The following C20orf203 variants were observed in gnomAD, a reference collection of about 807,000 sequenced individuals.
The protein encoded by C20orf203 is uncharacterized protein C20orf203.
In C20orf203, 16 loss-of-function variants were observed where a neutral mutation model predicts 15.9. The observed-to-expected ratio is 1.01, with a 90% CI of 0.68 to 1.53. The LOEUF is 1.53. Among genes scored for constraint, C20orf203 ranks in the 40% most tolerant of loss-of-function variants. The probability of loss-of-function intolerance (pLI) is 0.00; values close to 1 mark genes in which losing one functional copy is unlikely to be tolerated. For missense variants in C20orf203, 263 were observed against 247.5 expected, an observed-to-expected ratio of 1.06 and a Z score of -0.42; for synonymous variants, 98 against 97.2, an observed-to-expected ratio of 1.01 and a Z score of -0.05.
At chr20:32,659,594 G>C (rs1982843071) in intron 1 of C20orf203, among the ~76,000 whole-genome samples, 1 of 152,244 alleles carries the variant, frequency 6.6e-6, no homozygotes, top group Admixed American at 6.5e-5. Flanking sequence ...CACTATCTTT[G>C]AGACTGGACC....
intron 4 of C20orf203, among the ~76,000 whole-genome samples, chr20:32,648,428 CTTTTTTTTTTTTTT>C (rs56838832): frequency 0.034 from 2,764 of 80,384 alleles, 103 homozygotes; most frequent in African/African-American, 0.13. Context: ...CTGAAACTGT[CTTTTTTTTTTTTTT>C]TTTTTTTTTT....
chr20:32,637,810 C>G (rs928137181), intron 5 of C20orf203, among the ~76,000 whole-genome samples: 1 of 152,198 alleles, frequency 6.6e-6, no homozygotes, highest in Non-Finnish European at 1.5e-5. Context: ...CACATTTGGT[C>G]TTTTGTTTAA....
At chr20:32,662,767 T>A (rs1982919864) in intron 1 of C20orf203, among the ~76,000 whole-genome samples, 1 of 150,480 alleles carries the variant, frequency 6.6e-6, no homozygotes, top group Non-Finnish European at 1.5e-5. Context: ...CCTGTAACCC[T>A]AACACTTTGG....
chr20:32,666,155 T>TAAAAAAAAAAAAAAAAAAAAAAAAA (rs147487671), intron 1 of C20orf203, among the ~76,000 whole-genome samples: 3 of 102,774 alleles, frequency 2.9e-5, no homozygotes, highest in Non-Finnish European at 3.7e-5. Context: ...ATAAATAAAG[T>TAAAAAAAAAAAAAAAAAAAAAAAAA]AAAAAAAAAA....
chr20:32,648,860 A>C (rs1287598445), intron 4 of C20orf203, among the ~76,000 whole-genome samples: 1 of 152,132 alleles, frequency 6.6e-6, no homozygotes, highest in East Asian at 1.9e-4. Flanking sequence ...TCTTATGTCA[A>C]CCTATTACCT....
At chr20:32,647,871 C>T (rs538337331) in intron 4 of C20orf203, among the ~76,000 whole-genome samples, 14 of 152,180 alleles carry the variant, frequency 9.2e-5, no homozygotes, top group East Asian at 1.9e-4. Context: ...TCACCACCCA[C>T]GGCAGGGGGC....
chr20:32,673,453 C>T (rs1200916031), intron 1 of C20orf203, among the ~76,000 whole-genome samples, 179 bp downstream of exon 1: 1 of 152,232 alleles, frequency 6.6e-6, no homozygotes, highest in Non-Finnish European at 1.5e-5. Context: ...CTCACCGCAG[C>T]CCCGTGGGCA....
chr20:32,645,894 G>C (rs1473195115), intron 4 of C20orf203, among the ~76,000 whole-genome samples: 1 of 152,228 alleles, frequency 6.6e-6, no homozygotes, highest in Non-Finnish European at 1.5e-5. Flanking sequence ...TGAGGATGGA[G>C]AAGTGTTAGA....
intron 1 of C20orf203, among the ~76,000 whole-genome samples, chr20:32,661,036 G>A (rs1015909938): frequency 1.3e-5 from 2 of 152,154 alleles, no homozygotes; most frequent in Non-Finnish European, 2.9e-5. Flanking sequence ...ATATTTGTGT[G>A]GGGACACAGC....
At chr20:32,652,804 A>G (rs1982668023) in intron 1 of C20orf203, among the ~76,000 whole-genome samples, 1 of 151,996 alleles carries the variant, frequency 6.6e-6, no homozygotes, top group Non-Finnish European at 1.5e-5. Flanking sequence ...GCCCTCTCAG[A>G]GATGGTGGAA....
intron 1 of C20orf203, among the ~76,000 whole-genome samples, chr20:32,673,128 G>A (rs1983212591): frequency 6.6e-6 from 1 of 152,184 alleles, no homozygotes; most frequent in African/African-American, 2.4e-5. Flanking sequence ...GGTGAGGAGA[G>A]GAAGTGGAGG....
At chr20:32,655,179 G>T (rs1228007271) in intron 1 of C20orf203, among the ~76,000 whole-genome samples, 1 of 152,152 alleles carries the variant, frequency 6.6e-6, no homozygotes, top group East Asian at 1.9e-4. Flanking sequence ...TGAGAACATA[G>T]ACATAAATCT....
chr20:32,634,943 T>C (rs1982096110), intron 5 of C20orf203, among the ~76,000 whole-genome samples: 1 of 152,228 alleles, frequency 6.6e-6, no homozygotes, highest in Admixed American at 6.5e-5. Flanking sequence ...CTCACACATG[T>C]AATCCCAACA....
chr20:32,652,891 G>A (rs907667787), intron 1 of C20orf203, among the ~76,000 whole-genome samples: 3 of 152,142 alleles, frequency 2.0e-5, no homozygotes, highest in Non-Finnish European at 2.9e-5. Context: ...AACCCAAAGC[G>A]GGCAGGGTGA....
At chr20:32,642,577 C>T (rs1244321186) in intron 4 of C20orf203, among the ~76,000 whole-genome samples, 2 of 152,174 alleles carry the variant, frequency 1.3e-5, no homozygotes, top group South Asian at 2.1e-4. Context: ...CCTGTTTTTA[C>T]GTGACTGACT....
chr20:32,662,913 A>G (rs917492154), intron 1 of C20orf203, among the ~76,000 whole-genome samples: 2 of 131,540 alleles, frequency 1.5e-5, no homozygotes, highest in Non-Finnish European at 3.3e-5. Flanking sequence ...AGAAAGGAAC[A>G]GCTAGATATA....
At chr20:32,671,808 C>A (rs1276632823) in intron 1 of C20orf203, among the ~76,000 whole-genome samples, 1 of 135,920 alleles carries the variant, frequency 7.4e-6, no homozygotes, top group East Asian at 2.2e-4. Context: ...CATTGCACTC[C>A]AGCCTGGGCA....
chr20:32,667,030 AT>A (rs1193872874), intron 1 of C20orf203, among the ~76,000 whole-genome samples: 1 of 151,830 alleles, frequency 6.6e-6, no homozygotes, highest in Admixed American at 6.6e-5. Context: ...GATGATTTAC[AT>A]CCTTTTTTTT....
intron 1 of C20orf203, among the ~76,000 whole-genome samples, chr20:32,663,325 GAA>G (rs796546645): frequency 4.0e-5 from 5 of 125,618 alleles, no homozygotes; most frequent in East Asian, 2.3e-4. Flanking sequence ...AAGAGAATGA[GAA>G]AAAAAAAAAA....
Sources: allele counts gnomAD v4.1 joint callset (sites outside exome capture counted in the v4.1 genomes callset), GRCh38; gene constraint gnomAD v4.1.1; transcripts MANE v1.5; gene names NCBI Gene and HGNC (gene_info 2026-07-23, HGNC 2026-07-21).